ASTN2: variants seen among roughly 807,000 people sequenced by gnomAD.
The protein encoded by ASTN2 is astrotactin-2.
In ASTN2, 54 loss-of-function variants were observed where a neutral mutation model predicts 139.8. The observed-to-expected ratio is 0.39, with a 90% CI of 0.31 to 0.48. The LOEUF (loss-of-function observed/expected upper bound fraction) is 0.48. Among genes scored for constraint, ASTN2 ranks in the 20% least tolerant of loss-of-function variants. The pLI is 0.95. For missense variants in ASTN2, 1,565 were observed against 1,725.1 expected (o/e 0.91, Z 1.64); for synonymous variants, 756 against 719.5 (o/e 1.05, Z -0.81).
At chr9:116,658,555 G>A (rs773653718) in intron 16 of ASTN2, among the ~76,000 whole-genome samples, 29 of 152,096 alleles carry the variant, frequency 1.9e-4, no homozygotes, top group Non-Finnish European at 1.2e-4. Flanking sequence ...CAGACAAAGA[G>A]AAATGGCACT....
rs1861021944 is a variant in ASTN2, at chr9:116,698,801, G to A, written c.2806+26970C>T. ...GTCCTGAGGCAGCCTCCAATATCCA[G>A]CAGTGCCTCTTTCTCAAGAAGATGG... On this transcript the variant is annotated intron_variant, in intron 16 of 22. Coordinates refer to ENST00000313400, the MANE Select transcript of ASTN2 (RefSeq NM_001365068.1). The surrounding 1 kb of genome is among the most constrained non-coding windows in gnomAD (Gnocchi z 4.4). The A allele has an allele frequency of 3.1e-6, 5 of 1,614,194 alleles. No homozygotes were observed. Among genetic ancestry groups the A allele is most frequent in the Middle Eastern group, 1.6e-4 (1 of 6,062 alleles).
At chr9:116,697,782 C>A in intron 16 of ASTN2, 1 of 1,614,116 alleles carries the variant, frequency 6.2e-7, no homozygotes, top group South Asian at 1.1e-5. Context: ...CCTGGATGCC[C>A]TCCGGGAAGT....
chr9:117,350,206 G>A (rs1829343957), intron 1 of ASTN2, among the ~76,000 whole-genome samples: 1 of 152,104 alleles, frequency 6.6e-6, no homozygotes, highest in African/African-American at 2.4e-5. Context: ...TACTACAGAA[G>A]GGTTCTGAGA....
At chr9:116,535,654 T>A (rs966095938) in intron 19 of ASTN2, among the ~76,000 whole-genome samples, 10 of 152,148 alleles carry the variant, frequency 6.6e-5, no homozygotes, top group Middle Eastern at 3.2e-3. Flanking sequence ...GGGTGGAAAA[T>A]TCTTTTATTT....
chr9:116,515,337 G>T (rs1024639739), intron 19 of ASTN2, among the ~76,000 whole-genome samples: 1 of 152,160 alleles, frequency 6.6e-6, no homozygotes, highest in African/African-American at 2.4e-5. Flanking sequence ...ATGGACGTGA[G>T]ATCTAGATGT....
At chr9:117,168,929 T>G (rs1830728204) in intron 3 of ASTN2, among the ~76,000 whole-genome samples, 1 of 152,162 alleles carries the variant, frequency 6.6e-6, no homozygotes, top group Admixed American at 6.6e-5. Flanking sequence ...CAAGCCTATT[T>G]TTCAGTTTTG....
At chr9:116,765,711 G>A (rs769879240) in intron 13 of ASTN2, among the ~76,000 whole-genome samples, 1 of 151,756 alleles carries the variant, frequency 6.6e-6, no homozygotes, top group Admixed American at 6.6e-5. Context: ...AAAATAGAAG[G>A]GAAAAATCTC....
At chr9:116,818,697 C>T (rs4837903) in intron 12 of ASTN2, among the ~76,000 whole-genome samples, 29,112 of 152,168 alleles carry the variant, frequency 0.19, 3,360 homozygotes, top group Admixed American at 0.27. Flanking sequence ...CAAACACATA[C>T]AGTGCTAATT....
chr9:116,489,778 T>C (rs1170730776), intron 19 of ASTN2, among the ~76,000 whole-genome samples: 1 of 152,270 alleles, frequency 6.6e-6, no homozygotes, highest in Non-Finnish European at 1.5e-5. Context: ...TTTAGTCCAA[T>C]AGAGCAGGTC....
At chr9:117,395,113 G>T (rs1384719760) in intron 1 of ASTN2, among the ~76,000 whole-genome samples, 2 of 152,148 alleles carry the variant, frequency 1.3e-5, no homozygotes, top group Admixed American at 6.5e-5. Flanking sequence ...CACTGTGAAA[G>T]GCAGATCCCT....
At chr9:116,470,726 T>C (rs1446643872) in intron 20 of ASTN2, among the ~76,000 whole-genome samples, 2 of 152,186 alleles carry the variant, frequency 1.3e-5, no homozygotes, top group African/African-American at 2.4e-5. Context: ...CATATTCATA[T>C]TGTGGAGTGA....
intron 10 of ASTN2, among the ~76,000 whole-genome samples, chr9:116,905,523 T>G (rs769547991): frequency 1.5e-4 from 23 of 152,158 alleles, no homozygotes; most frequent in South Asian, 4.1e-4. Flanking sequence ...GTCGGTCTCC[T>G]TCATGTGCCT....
At chr9:116,498,419 T>TA (rs146595162) in intron 19 of ASTN2, among the ~76,000 whole-genome samples, 19,203 of 148,622 alleles carry the variant, frequency 0.13, 1,329 homozygotes, top group Non-Finnish European at 0.14. Context: ...ACCCCATCTC[T>TA]AAAAAAAAAC....
At chr9:117,102,865 A>G (rs2132767477) in intron 4 of ASTN2, among the ~76,000 whole-genome samples, 1 of 148,584 alleles carries the variant, frequency 6.7e-6, no homozygotes, top group African/African-American at 2.5e-5. Context: ...ATCTCACAAA[A>G]CGAAAAAAAG....
intron 10 of ASTN2, among the ~76,000 whole-genome samples, chr9:116,898,654 TA>T (rs1324901754): frequency 3.3e-5 from 5 of 152,192 alleles, no homozygotes; most frequent in Admixed American, 2.6e-4. Context: ...AAAAAAGTGT[TA>T]AAAATTATTC....
chr9:117,208,508 G>C (rs774939750), intron 3 of ASTN2, among the ~76,000 whole-genome samples: 1 of 151,958 alleles, frequency 6.6e-6, no homozygotes, highest in African/African-American at 2.4e-5. Flanking sequence ...AAAGCCTCAA[G>C]TAAGTGAAAA....
intron 4 of ASTN2, among the ~76,000 whole-genome samples, chr9:117,121,540 A>T (rs997754527): frequency 2.6e-5 from 4 of 152,204 alleles, no homozygotes. Context: ...TCCAAGTAGC[A>T]TGGAAGGCTG....
At chr9:116,468,740 C>T (rs1848725456) in intron 20 of ASTN2, among the ~76,000 whole-genome samples, 2 of 152,194 alleles carry the variant, frequency 1.3e-5, no homozygotes, top group African/African-American at 4.8e-5. Context: ...GCTCTCTTTA[C>T]TTTCAAGATA....
At chr9:116,658,733 CTTTT>C (rs71502074) in intron 16 of ASTN2, among the ~76,000 whole-genome samples, 4 of 101,100 alleles carry the variant, frequency 4.0e-5, no homozygotes, top group African/African-American at 4.1e-5. Flanking sequence ...GACCACCGCT[CTTTT>C]TTTTTTTTTT....
Sources: allele counts gnomAD v4.1 joint callset (sites outside exome capture counted in the v4.1 genomes callset), GRCh38; gene constraint gnomAD v4.1.1; non-coding constraint Gnocchi (gnomAD v3.1); transcripts MANE v1.5; gene names NCBI Gene and HGNC (gene_info 2026-07-23, HGNC 2026-07-21).